Variants in IQCJ observed in about 807,000 individuals in gnomAD.
IQCJ encodes the protein IQ motif containing J, also known as IQ domain-containing protein J.
IQCJ carries 9 observed loss-of-function variants against 11.0 expected under a neutral mutation model. The ratio of observed to expected loss-of-function variants is 0.82; its 90% CI spans 0.49 to 1.43. IQCJ has a LOEUF of 1.43. IQCJ is among the 40% of genes most tolerant of loss of function. IQCJ has a pLI of 0.00. For missense variants in IQCJ, 146 were observed against 133.2 expected (o/e 1.10, Z -0.47); for synonymous variants, 55 against 51.3 (o/e 1.07, Z -0.31).
In IQCJ at chr3:159,180,154, C is replaced by A. The variant is rs142836501; in HGVS notation, c.10-65689C>A. On this transcript the variant is annotated intron_variant, in intron 1 of 3. Transcript: ENST00000397832. Reference sequence around the variant, plus strand: ...ATAGACAGGCATGTTTATCTGTAGCCTATAAATATAAATATGCTTAAATGG... The same window carrying A: ...ATAGACAGGCATGTTTATCTGTAGCATATAAATATAAATATGCTTAAATGG... 6.2e-3 allele frequency among the ~76,000 whole-genome samples: 950 copies of A among 152,264 alleles called. 31 individuals are homozygous for A. Among genetic ancestry groups the A allele is most frequent in the Admixed American group, 0.053 (814 of 15,280 alleles).
At chr3:159,167,808 A>G (rs1722256376) in intron 1 of IQCJ, among the ~76,000 whole-genome samples, 2 of 152,182 alleles carry the variant, frequency 1.3e-5, no homozygotes, top group Admixed American at 1.3e-4. Flanking sequence ...GTCTATATCT[A>G]AGGTTGCCTT....
intron 1 of IQCJ, among the ~76,000 whole-genome samples, chr3:159,220,719 T>A (rs893236840): frequency 6.6e-6 from 1 of 152,146 alleles, no homozygotes; most frequent in Non-Finnish European, 1.5e-5. Flanking sequence ...TAATGGAGGA[T>A]CCCCGATGAA....
At chr3:159,181,750 T>G (rs73877528) in intron 1 of IQCJ, among the ~76,000 whole-genome samples, 4,588 of 151,804 alleles carry the variant, frequency 0.03, 294 homozygotes, top group African/African-American at 0.11. Context: ...GACTTTCTCT[T>G]TTCCACCTCT....
At chr3:159,102,754 A>T (rs969060275) in intron 1 of IQCJ, among the ~76,000 whole-genome samples, 1 of 152,204 alleles carries the variant, frequency 6.6e-6, no homozygotes, top group Non-Finnish European at 1.5e-5. Flanking sequence ...CTAGTGCCCA[A>T]ACTTTTAGTT....
At position 159,165,272 on chromosome 3, in the gene IQCJ, A is replaced by T. The variant is rs1164859221; in HGVS notation, c.10-80571A>T. Among the ~76,000 whole-genome samples, 3 of 152,256 alleles carry T rather than the reference A, an allele frequency of 2.0e-5. No individual in the cohort carries two copies. In the East Asian group the frequency reaches 5.8e-4, roughly 29 times the overall value. Reference sequence around the variant, plus strand: ...GAATGTTCTATTTGCATGTCCAAATATATACTGTGATGATAGCACATATCA... The same window carrying T: ...GAATGTTCTATTTGCATGTCCAAATTTATACTGTGATGATAGCACATATCA... On this transcript the variant is annotated intron_variant, in intron 1 of 3. Transcript: ENST00000397832.
chr3:159,109,501 T>C (rs1008736826), intron 1 of IQCJ, among the ~76,000 whole-genome samples: 2 of 145,304 alleles, frequency 1.4e-5, no homozygotes, highest in Non-Finnish European at 3.0e-5. Context: ...CACATAAGGC[T>C]GTAGAGTAGC....
chr3:159,193,700 C>T (rs1206922862), intron 1 of IQCJ, among the ~76,000 whole-genome samples: 3 of 152,178 alleles, frequency 2.0e-5, no homozygotes, highest in Admixed American at 6.5e-5. Context: ...CTACCCCTTT[C>T]TATTAGAATG....
chr3:159,248,815 G>A lies in IQCJ; in HGVS notation c.74+2908G>A, dbSNP rs1727423573. Among the ~76,000 whole-genome samples, 4 of 151,884 alleles carry A rather than the reference G, an allele frequency of 2.6e-5. No individual in the cohort carries two copies. The South Asian group carries it at 6.3e-4, about 24-fold the overall frequency. On this transcript the variant is annotated intron_variant, in intron 2 of 3. Coordinates refer to ENST00000397832, the MANE Select transcript of IQCJ (RefSeq NM_001042706.3). Reference sequence around the variant, plus strand: ...AGGACACACTTTCTGTATGATGTTTGGCCCATTTATTTATTAAACCTGGCC... The same window carrying A: ...AGGACACACTTTCTGTATGATGTTTAGCCCATTTATTTATTAAACCTGGCC...
intron 3 of IQCJ, among the ~76,000 whole-genome samples, chr3:159,254,426 G>A (rs1473954498): frequency 6.6e-6 from 1 of 152,124 alleles, no homozygotes; most frequent in African/African-American, 2.4e-5. Context: ...GCTCAATGAG[G>A]TGCAAACAGA....
chr3:159,080,764 T>C lies in IQCJ; in HGVS notation c.9+11323T>C, dbSNP rs184963681. On this transcript the variant is annotated intron_variant, in intron 1 of 3. Transcript: ENST00000397832. ...ATCTTGCCTAAGGCCACACAGCTAGTGAGCTGCAAAGGTGAGATTTGAACC... is the reference window on the plus strand; with the variant it reads ...ATCTTGCCTAAGGCCACACAGCTAGCGAGCTGCAAAGGTGAGATTTGAACC... Among the ~76,000 whole-genome samples, 120 of 152,186 alleles carry C rather than the reference T, an allele frequency of 7.9e-4. 1 individual carries two copies. Among genetic ancestry groups the C allele is most frequent in the African/African-American group, 2.8e-3 (116 of 41,544 alleles).
chr3:159,092,344 A>T (rs1311081186), intron 1 of IQCJ, among the ~76,000 whole-genome samples: 5 of 151,976 alleles, frequency 3.3e-5, no homozygotes, highest in Non-Finnish European at 5.9e-5. Flanking sequence ...TAGCATCCAA[A>T]TGCACTATGT....
rs539820364 is a variant in IQCJ, at chr3:159,200,104, A to AATATATATATATATATATAT, written c.10-45723_10-45722insATATATATATATATATATAT. Among the ~76,000 whole-genome samples, 329 of 116,854 alleles carry AATATATATATATATATATAT rather than the reference A, an allele frequency of 2.8e-3. 20 individuals carry two copies. The highest frequency in any genetic ancestry group is 7.9e-3 in the African/African-American group (207 of 26,332). The allele number at this position is 116,854 out of a possible 152,430, so 76.7% of individuals were successfully genotyped here. A position where few individuals can be genotyped will look rare whatever the true frequency, so the allele number is the denominator to read the frequency against. Reference sequence around the variant, plus strand: ...ATATGTATGTATGTGTTTATACATAAATATATATATATATATCACTTTGAA... The same window carrying AATATATATATATATATATAT: ...ATATGTATGTATGTGTTTATACATAAATATATATATATATATATATATATATATATATATATCACTTTGAA... On this transcript the variant is annotated intron_variant, in intron 1 of 3. Coordinates refer to ENST00000397832, the MANE Select transcript of IQCJ (RefSeq NM_001042706.3).
intron 1 of IQCJ, among the ~76,000 whole-genome samples, chr3:159,101,111 G>C (rs1475912363): frequency 2.2e-5 from 3 of 134,552 alleles, no homozygotes; most frequent in South Asian, 5.4e-4. Flanking sequence ...CGCAATATTC[G>C]GGTGGGAGTG....
At chr3:159,264,613 G>A (rs1409414675), downstream of IQCJ, among the ~76,000 whole-genome samples, 2 of 152,116 alleles carry the variant, frequency 1.3e-5, no homozygotes, top group South Asian at 2.1e-4. Context: ...TGGCAGTCTG[G>A]CTCACCCATG....
chr3:159,072,589 G>A (rs1216461102), intron 1 of IQCJ, among the ~76,000 whole-genome samples: 1 of 152,038 alleles, frequency 6.6e-6, no homozygotes, highest in Non-Finnish European at 1.5e-5. Context: ...CTCCTATTTT[G>A]TTATGCCAAA....
rs571748283 is a variant in IQCJ, at chr3:159,223,139, T to C, written c.10-22704T>C. ...AACTGTTACAAACATCTAAGAACTT[T>C]AGGGATTTTGCTTCTAAGAGTCCTT... On this transcript the variant is annotated intron_variant, in intron 1 of 3. Coordinates refer to ENST00000397832, the MANE Select transcript of IQCJ (RefSeq NM_001042706.3). 6.7e-4 allele frequency among the ~76,000 whole-genome samples: 102 copies of C among 152,232 alleles called. 2 individuals are homozygous for C. In the South Asian group the frequency reaches 0.021, roughly 32 times the overall value.
chr3:159,089,259 C>T (rs1407245773), intron 1 of IQCJ, among the ~76,000 whole-genome samples: 1 of 152,196 alleles, frequency 6.6e-6, no homozygotes, highest in African/African-American at 2.4e-5. Context: ...CCACTCTCTT[C>T]TGGCTTGTAG....
Position 159,191,496 on chromosome 3 carries a change from C to T in IQCJ, c.10-54347C>T, listed in dbSNP as rs546855329. ...GTGGGAGGGTGATACTTCCTGAGGC[C>T]GACAGAACAAGTGGTCATCGTGTTT... On this transcript the variant is annotated intron_variant, in intron 1 of 3. Transcript: ENST00000397832. 5.6e-4 allele frequency among the ~76,000 whole-genome samples: 85 copies of T among 152,098 alleles called. 1 individual carries two copies. In the South Asian group the frequency reaches 0.013, roughly 23 times the overall value.
chr3:159,197,722 A>T (rs1021566705), intron 1 of IQCJ, among the ~76,000 whole-genome samples: 8 of 151,996 alleles, frequency 5.3e-5, no homozygotes, highest in African/African-American at 1.9e-4. Context: ...GAGATGGGGG[A>T]ACTGAGACAA....
Sources: gnomAD v4.1 joint callset for allele counts (sites outside exome capture counted in the v4.1 genomes callset) on GRCh38, gnomAD v4.1.1 for gene constraint, MANE v1.5 for transcripts, NCBI Gene and HGNC (gene_info 2026-07-23, HGNC 2026-07-21) for gene names.